Variants in NALF1 observed in about 807,000 individuals in gnomAD.
NALF1 encodes NALCN channel auxiliary factor 1, also known as family with sequence similarity 155 member A.
NALF1 carries 3 observed loss-of-function variants against 48.4 expected under a neutral mutation model. That is an observed-to-expected ratio of 0.06 (90% confidence interval 0.03 to 0.16). NALF1 has a LOEUF of 0.16. Ranked by LOEUF, NALF1 falls within the 10% of genes least tolerant of loss-of-function variation. The probability of loss-of-function intolerance (pLI) is 1.00; values close to 1 mark genes in which losing one functional copy is unlikely to be tolerated. For missense variants in NALF1, 526 were observed against 571.5 expected (o/e 0.92, Z 0.81); for synonymous variants, 262 against 245.7 (o/e 1.07, Z -0.62).
At chr13:107,676,249 A>T (rs1166068916) in intron 1 of NALF1, among the ~76,000 whole-genome samples, 1 of 152,198 alleles carries the variant, frequency 6.6e-6, no homozygotes, top group African/African-American at 2.4e-5. Flanking sequence ...TAAAAATACT[A>T]TTTATTCAAC....
intron 1 of NALF1, among the ~76,000 whole-genome samples, chr13:107,385,577 A>AAC (rs1883516702): frequency 1.3e-5 from 2 of 148,932 alleles, no homozygotes; most frequent in Non-Finnish European, 3.0e-5. Context: ...AAAAAAAAAA[A>AAC]CAAAGAAAAG....
intron 1 of NALF1, among the ~76,000 whole-genome samples, chr13:107,793,990 C>CTATT (rs1409485421): frequency 6.6e-6 from 1 of 152,106 alleles, no homozygotes; most frequent in African/African-American, 2.4e-5. Context: ...GTCTGTAGAC[C>CTATT]TATTCATTCT....
intron 1 of NALF1, among the ~76,000 whole-genome samples, chr13:107,476,055 G>C (rs554938100): frequency 6.6e-6 from 1 of 152,126 alleles, no homozygotes; most frequent in Non-Finnish European, 1.5e-5. Flanking sequence ...ATATTCTTTT[G>C]AGAAATGTAT....
At position 107,378,756 on chromosome 13, in the gene NALF1, G is replaced by A. The variant is rs77600499; in HGVS notation, c.916-168001C>T. Among the ~76,000 whole-genome samples, 498 of 152,194 alleles carry A rather than the reference G, an allele frequency of 3.3e-3. 2 individuals are homozygous for A. The highest frequency in any genetic ancestry group is 0.011 in the African/African-American group (477 of 41,516). On this transcript the variant is annotated intron_variant, in intron 1 of 2. Coordinates refer to ENST00000375915, the MANE Select transcript of NALF1 (RefSeq NM_001080396.3). ...TCCGTTGAACAATATAGGTTAGAAAGGAATTGAAAATATACAGTTAGCACT... is the reference window on the plus strand; with the variant it reads ...TCCGTTGAACAATATAGGTTAGAAAAGAATTGAAAATATACAGTTAGCACT...
chr13:107,495,090 C>A (rs1242866044), intron 1 of NALF1, among the ~76,000 whole-genome samples: 2 of 152,178 alleles, frequency 1.3e-5, no homozygotes, highest in Non-Finnish European at 2.9e-5. Flanking sequence ...CTCTTGATTG[C>A]TCAATGAAAC....
intron 1 of NALF1, among the ~76,000 whole-genome samples, chr13:107,229,236 T>A (rs1023558505): frequency 7.2e-5 from 11 of 152,120 alleles, no homozygotes; most frequent in African/African-American, 2.4e-5. Flanking sequence ...ATTTAAAAAA[T>A]TTTAATGAGG....
intron 1 of NALF1, among the ~76,000 whole-genome samples, chr13:107,572,684 A>G (rs1273378186): frequency 6.6e-6 from 1 of 152,132 alleles, no homozygotes; most frequent in African/African-American, 2.4e-5. Flanking sequence ...TGAGTGAACT[A>G]ATTAGCAAAT....
intron 1 of NALF1, among the ~76,000 whole-genome samples, chr13:107,325,112 G>A (rs1882326838): frequency 6.6e-6 from 1 of 152,124 alleles, no homozygotes; most frequent in South Asian, 2.1e-4. Flanking sequence ...GAAGTACTCA[G>A]TTAACATATG....
intron 1 of NALF1, among the ~76,000 whole-genome samples, chr13:107,642,631 A>G (rs1880190253): frequency 6.6e-6 from 1 of 152,188 alleles, no homozygotes; most frequent in South Asian, 2.1e-4. Flanking sequence ...AGAAATGTGT[A>G]GTTTTTGTGG....
At chr13:107,706,222 T>C (rs546954793) in intron 1 of NALF1, among the ~76,000 whole-genome samples, 4 of 152,314 alleles carry the variant, frequency 2.6e-5, no homozygotes, top group African/African-American at 9.6e-5. Flanking sequence ...CAAAAATGCT[T>C]TTCCGCAACT....
At chr13:107,792,067 G>C (rs1878260124) in intron 1 of NALF1, among the ~76,000 whole-genome samples, 1 of 152,118 alleles carries the variant, frequency 6.6e-6, no homozygotes, top group African/African-American at 2.4e-5. Flanking sequence ...AAACACATAA[G>C]TGGAATTTTA....
intron 1 of NALF1, among the ~76,000 whole-genome samples, chr13:107,266,570 T>C (rs189593223): frequency 6.6e-5 from 10 of 152,306 alleles, no homozygotes; most frequent in Non-Finnish European, 1.2e-4. Flanking sequence ...TATAACTACG[T>C]GTGTGTATGT....
chr13:107,472,847 A>G (rs147645104), intron 1 of NALF1, among the ~76,000 whole-genome samples: 11 of 152,278 alleles, frequency 7.2e-5, no homozygotes, highest in African/African-American at 2.6e-4. Flanking sequence ...ATGCAGGTCA[A>G]TATTCCTTAA....
chr13:107,506,912 G>T (rs561574716), intron 1 of NALF1, among the ~76,000 whole-genome samples: 1 of 151,720 alleles, frequency 6.6e-6, no homozygotes, highest in Non-Finnish European at 1.5e-5. Context: ...GAGTGGAATT[G>T]TTGAGTAATA....
chr13:107,828,768 G>A (rs1879611764), intron 1 of NALF1, among the ~76,000 whole-genome samples: 1 of 151,902 alleles, frequency 6.6e-6, no homozygotes, highest in Non-Finnish European at 1.5e-5. Flanking sequence ...TTAACAATTT[G>A]TTCACCTTCT....
chr13:107,450,683 G>A (rs1884726497), intron 1 of NALF1, among the ~76,000 whole-genome samples: 1 of 152,164 alleles, frequency 6.6e-6, no homozygotes, highest in Non-Finnish European at 1.5e-5. Flanking sequence ...AATCCCCAGC[G>A]TCTGTGGCCG....
intron 2 of NALF1, among the ~76,000 whole-genome samples, chr13:107,196,395 G>A (rs1037287794): frequency 2.0e-5 from 3 of 152,236 alleles, no homozygotes; most frequent in African/African-American, 7.2e-5. Context: ...AAGTTCAGGT[G>A]AAAAGAAAAA....
At chr13:107,447,718 TAATTCCGTGGCAGCAGCTGCAGTCA>T (rs1884673702) in intron 1 of NALF1, among the ~76,000 whole-genome samples, 1 of 152,170 alleles carries the variant, frequency 6.6e-6, no homozygotes, top group African/African-American at 2.4e-5. Flanking sequence ...TCTGTCCAGC[TAATTCCGTGGCAGCAGCTGCAGTCA>T]ATTCTACTCT....
chr13:107,178,026 G>A (rs569768307), intron 2 of NALF1, among the ~76,000 whole-genome samples: 9 of 151,836 alleles, frequency 5.9e-5, no homozygotes, highest in Non-Finnish European at 1.2e-4. Flanking sequence ...CAGCCTGGGC[G>A]ACAGAGCAAG....
Sources: gnomAD v4.1 joint callset for allele counts (sites outside exome capture counted in the v4.1 genomes callset) on GRCh38, gnomAD v4.1.1 for gene constraint, MANE v1.5 for transcripts, NCBI Gene and HGNC (gene_info 2026-07-23, HGNC 2026-07-21) for gene names.